Variants in OCA2 observed in about 807,000 individuals in gnomAD.
OCA2 encodes OCA2 melanosomal transmembrane protein, also known as P protein.
Under a neutral mutation model 100.2 loss-of-function variants are expected in OCA2, and 77 were observed. The ratio of observed to expected loss-of-function variants is 0.77; its 90% confidence interval spans 0.64 to 0.93. The LOEUF (loss-of-function observed/expected upper bound fraction) is 0.93, where lower values mean the gene tolerates loss of function less well. OCA2 is among the 40% of genes least tolerant of loss of function. The pLI, the probability that OCA2 is intolerant of heterozygous loss-of-function variation, is 0.00. For missense variants in OCA2, 1,062 were observed against 1,089.1 expected (o/e 0.98, Z 0.35); for synonymous variants, 432 against 439.2 (o/e 0.98, Z 0.21).
At chr15:27,848,229 C>T (rs541595404) in intron 22 of OCA2, among the ~76,000 whole-genome samples, 1 of 152,322 alleles carries the variant, frequency 6.6e-6, no homozygotes, top group South Asian at 2.1e-4. Flanking sequence ...CCCATCCCTC[C>T]CTATCATGGG....
intron 12 of OCA2, 111 bp from the exon 13 acceptor site, chr15:27,985,299 A>C: frequency 2.3e-6 from 3 of 1,299,356 alleles, no homozygotes; most frequent in South Asian, 1.2e-5. Context: ...ACATTACCCC[A>C]TGGGTTAAGA....
chr15:27,855,549 GGCT>G (rs534311675), intron 21 of OCA2, among the ~76,000 whole-genome samples: 25 of 152,310 alleles, frequency 1.6e-4, no homozygotes, highest in Admixed American at 3.3e-4. Flanking sequence ...TCCTCAATGT[GGCT>G]GCTATTTTAT....
At chr15:27,963,118 C>T (rs749423067) in intron 15 of OCA2, among the ~76,000 whole-genome samples, 18 of 152,050 alleles carry the variant, frequency 1.2e-4, no homozygotes, top group Non-Finnish European at 2.2e-4. Flanking sequence ...TAATAGTAAA[C>T]TTTTAAAATG....
intron 23 of OCA2, among the ~76,000 whole-genome samples, chr15:27,800,048 A>G (rs1043764590): frequency 6.6e-6 from 1 of 152,340 alleles, no homozygotes; most frequent in South Asian, 2.1e-4. Context: ...AATAGCAGAA[A>G]AATCCCTGGA....
Position 28,024,884 on chromosome 15 carries a change from C to T in OCA2, c.534G>A (p.Leu178=), listed in dbSNP as rs749202161. 2.5e-6 allele frequency: 4 copies of T among 1,614,110 alleles called. No homozygotes were observed. The Admixed American group carries it at 5.0e-5, about 20-fold the overall frequency. The stretch of plus-strand genomic sequence containing the variant: ...CAAAGGCAAACAGGCCCATGACTTT[C>T]AGCCACTGCACACAGCGCCTGCAAG... ...LSKLRRCVQW[L]KVMGLFAFVV... Residue 178 remains leucine, a synonymous_variant, in exon 5 of 24, where the codon CTG becomes CTA. Coordinates refer to ENST00000354638, the MANE Select transcript of OCA2 (RefSeq NM_000275.3).
intron 18 of OCA2, chr15:27,950,661 T>C (rs994174416): frequency 1.6e-5 from 6 of 378,526 alleles, no homozygotes; most frequent in Non-Finnish European, 2.6e-5. Flanking sequence ...ACATACATCA[T>C]GTGTTGTGTG....
intron 18 of OCA2, among the ~76,000 whole-genome samples, chr15:27,928,478 G>GT (rs1247399169): frequency 6.6e-6 from 1 of 152,180 alleles, no homozygotes; most frequent in Non-Finnish European, 1.5e-5. Context: ...GAGGATGCTG[G>GT]TTCACAGCAG....
rs1032380468 is a variant in OCA2 at position 28,094,346 on chromosome 15, C to G, written c.-22+4878G>C. ...TGCGCTTGACTTGCCTAGGGCAGGG[C>G]CACCCTGGGCAGAGCTCCCGCCCGT... On this transcript the variant is annotated intron_variant, in intron 1 of 23. Transcript: ENST00000354638. 2.0e-5 allele frequency among the ~76,000 whole-genome samples: 3 copies of G among 152,230 alleles called. No homozygotes were observed. In the South Asian group the frequency reaches 6.2e-4, roughly 32 times the overall value.
At chr15:27,726,647 G>T in the OCA2 span, among the ~76,000 whole-genome samples, 1 of 152,196 alleles carries the variant, frequency 6.6e-6, no homozygotes, top group Non-Finnish European at 1.5e-5. Context: ...TCCTGCTAGG[G>T]ACATCCTGAA....
chr15:27,881,554 A>C (rs1000053911), intron 19 of OCA2, among the ~76,000 whole-genome samples: 1 of 152,116 alleles, frequency 6.6e-6, no homozygotes, highest in South Asian at 2.1e-4. Flanking sequence ...AGAACTTGCT[A>C]TTGGTCTATT....
intron 9 of OCA2, among the ~76,000 whole-genome samples, chr15:28,013,358 G>A (rs1287853517): frequency 6.6e-6 from 1 of 152,028 alleles, no homozygotes; most frequent in Non-Finnish European, 1.5e-5. Context: ...CCTTTAGAAG[G>A]GCCCTTGGCT....
intron 23 of OCA2, among the ~76,000 whole-genome samples, chr15:27,771,400 A>G (rs982063024): frequency 2.0e-5 from 3 of 150,712 alleles, no homozygotes; most frequent in Non-Finnish European, 3.0e-5. Flanking sequence ...AAAAAAAAAA[A>G]AAAATACAGC....
intron 23 of OCA2, among the ~76,000 whole-genome samples, chr15:27,762,906 T>C (rs965265539): frequency 2.0e-5 from 3 of 152,234 alleles, no homozygotes; most frequent in African/African-American, 7.2e-5. Context: ...TATTTGTCTT[T>C]CTGTTTCTGA....
At chr15:28,097,370 A>C (rs1027246264) in intron 1 of OCA2, among the ~76,000 whole-genome samples, 1 of 152,242 alleles carries the variant, frequency 6.6e-6, no homozygotes, top group African/African-American at 2.4e-5. Context: ...GAGCTGGTAG[A>C]GCCAGCGGCC....
intron 14 of OCA2, among the ~76,000 whole-genome samples, chr15:27,973,353 T>C (rs1305195944): frequency 6.6e-6 from 1 of 152,194 alleles, no homozygotes; most frequent in Non-Finnish European, 1.5e-5. Flanking sequence ...TTCAGTTATA[T>C]TGTATATCGT....
intron 23 of OCA2, among the ~76,000 whole-genome samples, chr15:27,794,169 A>T (rs984594148): frequency 2.6e-5 from 4 of 152,232 alleles, no homozygotes; most frequent in African/African-American, 9.6e-5. Flanking sequence ...GAACCCTCCG[A>T]AAACTGCGGA....
chr15:27,754,797 A>G (rs1358607303), downstream of OCA2: 2 of 159,994 alleles, frequency 1.3e-5, no homozygotes, highest in African/African-American at 2.4e-5. Flanking sequence ...TGGACTTTTA[A>G]TTAATAACTT....
intron 19 of OCA2, among the ~76,000 whole-genome samples, chr15:27,885,981 G>A (rs2037206637): frequency 6.6e-6 from 1 of 152,198 alleles, no homozygotes; most frequent in South Asian, 2.1e-4. Context: ...AAAGTAGTCA[G>A]CAATGATGGA....
chr15:27,973,001 G>A (rs2140895038), intron 14 of OCA2, among the ~76,000 whole-genome samples: 1 of 151,852 alleles, frequency 6.6e-6, no homozygotes, highest in African/African-American at 2.4e-5. Flanking sequence ...GAGTAGCTGG[G>A]ATTACAAGCA....
Sources: gnomAD v4.1 joint callset for allele counts (sites outside exome capture counted in the v4.1 genomes callset) on GRCh38, gnomAD v4.1.1 for gene constraint, MANE v1.5 for transcripts, NCBI Gene and HGNC (gene_info 2026-07-23, HGNC 2026-07-21) for gene names.